ELMO1: variants seen among roughly 807,000 people sequenced by gnomAD.
ELMO1 encodes the protein engulfment and cell motility protein 1.
Under a neutral mutation model 98.9 loss-of-function variants are expected in ELMO1, and 26 were observed. The observed-to-expected ratio is 0.26, with a 90% confidence interval of 0.19 to 0.36. ELMO1 has a LOEUF of 0.36. ELMO1 is among the 10% of genes least tolerant of loss of function. The pLI, the probability that ELMO1 is intolerant of heterozygous loss-of-function variation, is 1.00. For missense variants in ELMO1, 627 were observed against 935.2 expected, an observed-to-expected ratio of 0.67 and a Z score of 4.30; for synonymous variants, 346 against 346.0, an observed-to-expected ratio of 1.00 and a Z score of 0.00.
chr7:37,209,549 A>G (rs987951363), intron 13 of ELMO1, among the ~76,000 whole-genome samples: 4 of 152,204 alleles, frequency 2.6e-5, no homozygotes, highest in Admixed American at 6.5e-5. Context: ...AATTAAGAGT[A>G]TTTTCCAAAT....
intron 5 of ELMO1, among the ~76,000 whole-genome samples, chr7:37,262,853 C>T (rs956892923): frequency 5.3e-5 from 8 of 152,192 alleles, no homozygotes; most frequent in African/African-American, 1.9e-4. Flanking sequence ...CTCTTGGCCT[C>T]ATTTTCCCCA....
rs1212708870 is a variant in ELMO1, at chr7:37,133,146, T to C, written c.1175A>G (p.Gln392Arg). Residue 392 changes from glutamine (Q) to arginine (R), a missense_variant, in exon 14 of 22, where the codon CAA becomes CGA. Physicochemically the swap from Gln to Arg is conservative, Grantham distance 43. Around this residue, in one of 3 missense-constraint regions of ELMO1, gnomAD observed 492 missense variants for 715.6 expected, o/e 0.69. Transcript: ENST00000310758. ...CTTGCTTACCCGGATGTAGGCATCT[T>C]GGTGGTGCTTGGCAAAGTACAGCAT... The part of the protein sequence containing the change: ...DNMLYFAKHH[Q>R]DAYIRIVLEN... The C allele has an allele frequency of 6.2e-7, 1 of 1,610,806 alleles. No individual in the cohort carries two copies. The highest frequency in any genetic ancestry group is 8.5e-7 in the Non-Finnish European group (1 of 1,178,668).
chr7:37,292,748 C>A (rs1179959045), intron 4 of ELMO1, among the ~76,000 whole-genome samples: 1 of 100,468 alleles, frequency 1.0e-5, no homozygotes, highest in Non-Finnish European at 2.2e-5. Context: ...GGGGGGTCAG[C>A]CCCCCGCCCG....
chr7:37,139,803 T>C (rs913975477), intron 13 of ELMO1, among the ~76,000 whole-genome samples: 23 of 152,140 alleles, frequency 1.5e-4, no homozygotes, highest in Admixed American at 1.4e-3. Context: ...ATCACATTAC[T>C]CAACATCCAA....
chr7:37,044,672 C>A (rs1795703530), intron 15 of ELMO1, among the ~76,000 whole-genome samples: 1 of 152,240 alleles, frequency 6.6e-6, no homozygotes. Context: ...CCTGTTCTCA[C>A]TCTCTGGGTG....
At chr7:37,339,167 G>A (rs1342468441) in intron 2 of ELMO1, among the ~76,000 whole-genome samples, 1 of 152,214 alleles carries the variant, frequency 6.6e-6, no homozygotes, top group Non-Finnish European at 1.5e-5. Flanking sequence ...AACTGTGGAA[G>A]CCCTTGGATT....
chr7:37,159,702 A>AAAAAAT (rs1376840760), intron 13 of ELMO1, among the ~76,000 whole-genome samples: 23 of 152,226 alleles, frequency 1.5e-4, no homozygotes, highest in African/African-American at 5.1e-4. Context: ...CTGTCTCAAA[A>AAAAAAT]AATAATAATA....
chr7:36,987,867 C>T (rs1791621936), intron 16 of ELMO1, among the ~76,000 whole-genome samples: 1 of 152,282 alleles, frequency 6.6e-6, no homozygotes, highest in South Asian at 2.1e-4. Context: ...AAGCGATTCT[C>T]CTGCCTCAGC....
chr7:36,920,093 G>T (rs932062942), intron 16 of ELMO1, among the ~76,000 whole-genome samples: 1 of 152,178 alleles, frequency 6.6e-6, no homozygotes, highest in African/African-American at 2.4e-5. Flanking sequence ...TATCCCTTCA[G>T]CCTGGCCACT....
rs1396566690 is a variant in ELMO1, at chr7:36,870,934, T to A, written c.1823-459A>T. On this transcript the variant is annotated intron_variant, in intron 19 of 21. Coordinates refer to ENST00000310758, the MANE Select transcript of ELMO1 (RefSeq NM_014800.11). The surrounding 1 kb of genome is among the most constrained non-coding windows in gnomAD (Gnocchi z 4.4). ...CATTTGCATCTATTTAGTTTCTGAG[T>A]TTTTGGATGAGAGAAAGCAGCCCTA... Among the ~76,000 whole-genome samples the A allele has an allele frequency of 6.6e-6, 1 of 152,156 alleles. No individual in the cohort carries two copies. Among genetic ancestry groups the A allele is most frequent in the East Asian group, 1.9e-4 (1 of 5,200 alleles).
intron 1 of ELMO1, among the ~76,000 whole-genome samples, chr7:37,447,814 C>T (rs1026033643): frequency 8.6e-5 from 13 of 151,900 alleles, no homozygotes; most frequent in African/African-American, 2.9e-4. Flanking sequence ...CGCGCACCCC[C>T]GGGACAGCTG....
chr7:37,062,548 A>C (rs1369722444), intron 15 of ELMO1, among the ~76,000 whole-genome samples: 1 of 152,184 alleles, frequency 6.6e-6, no homozygotes, highest in Non-Finnish European at 1.5e-5. Context: ...CTGTGAAATT[A>C]AATCCTCTTT....
intron 4 of ELMO1, among the ~76,000 whole-genome samples, chr7:37,301,446 G>C (rs1408057130): frequency 1.3e-5 from 2 of 152,076 alleles, no homozygotes; most frequent in African/African-American, 4.8e-5. Flanking sequence ...GTGTTTTGTA[G>C]TATTTCTCCC....
chr7:37,024,229 T>C (rs1487987256), intron 15 of ELMO1, among the ~76,000 whole-genome samples: 2 of 152,192 alleles, frequency 1.3e-5, no homozygotes, highest in Non-Finnish European at 2.9e-5. Context: ...CTGCCACTTA[T>C]TATCTGTGTG....
chr7:36,859,197 C>G (rs191860720), intron 21 of ELMO1, among the ~76,000 whole-genome samples: 1 of 152,106 alleles, frequency 6.6e-6, no homozygotes, highest in East Asian at 1.9e-4. Context: ...CTGACTTGAA[C>G]AAAGTATGAA....
intron 1 of ELMO1, among the ~76,000 whole-genome samples, chr7:37,390,141 T>C (rs1803005474): frequency 6.6e-6 from 1 of 152,234 alleles, no homozygotes; most frequent in African/African-American, 2.4e-5. Flanking sequence ...ATGCAGACTT[T>C]TTAAAAACAC....
At chr7:37,151,470 G>A (rs896811191) in intron 13 of ELMO1, among the ~76,000 whole-genome samples, 4 of 151,976 alleles carry the variant, frequency 2.6e-5, no homozygotes, top group African/African-American at 9.7e-5. Flanking sequence ...ATCCTAATGG[G>A]GCCTTCTAGC....
intron 13 of ELMO1, among the ~76,000 whole-genome samples, chr7:37,170,268 G>T (rs1790058409): frequency 1.3e-5 from 2 of 152,202 alleles, no homozygotes; most frequent in Admixed American, 6.5e-5. Flanking sequence ...ACAATGAATG[G>T]CATCTTTCAA....
intron 16 of ELMO1, among the ~76,000 whole-genome samples, chr7:36,988,443 T>C (rs1300122046): frequency 2.0e-5 from 3 of 152,246 alleles, no homozygotes; most frequent in African/African-American, 7.2e-5. Context: ...CAAGTATCTA[T>C]GCCAGGCACT....
Sources: gnomAD v4.1 joint callset for allele counts (sites outside exome capture counted in the v4.1 genomes callset) on GRCh38, gnomAD v4.1.1 for gene constraint, gnomAD v4.1.1 regional missense constraint, Gnocchi (gnomAD v3.1) non-coding constraint, MANE v1.5 for transcripts, NCBI Gene and HGNC (gene_info 2026-07-23, HGNC 2026-07-21) for gene names.